CRTC3: variants seen among roughly 807,000 people sequenced by gnomAD.
CRTC3 encodes the protein CREB-regulated transcription coactivator 3.
A neutral mutation model predicts 74.5 loss-of-function variants in CRTC3; 26 were observed. That is an observed-to-expected ratio of 0.35 (90% CI 0.26 to 0.48). The LOEUF (loss-of-function observed/expected upper bound fraction) is 0.48, where lower values mean the gene tolerates loss of function less well. Ranked by LOEUF, CRTC3 falls within the 20% of genes least tolerant of loss-of-function variation. CRTC3 has a pLI of 0.99. For missense variants in CRTC3, 760 were observed against 787.3 expected (o/e 0.97, Z 0.41); for synonymous variants, 377 against 325.8 (o/e 1.16, Z -1.69).
At chr15:90,620,152 T>A (rs1266449289) in intron 9 of CRTC3, 2 of 252,508 alleles carry the variant, frequency 7.9e-6, no homozygotes, top group Non-Finnish European at 1.5e-5. Flanking sequence ...ATCGGTGACA[T>A]CCTGGCCAGG....
chr15:90,628,477 T>G (rs910921647), intron 10 of CRTC3, among the ~76,000 whole-genome samples: 39 of 152,192 alleles, frequency 2.6e-4, no homozygotes, highest in African/African-American at 9.2e-4. Context: ...CCAGGCCCTG[T>G]GCCAGGTGCT....
intron 3 of CRTC3, 39 bp downstream of exon 3, chr15:90,593,794 A>C: frequency 6.4e-7 from 1 of 1,551,696 alleles, no homozygotes; most frequent in Non-Finnish European, 8.8e-7. Context: ...GTGCATTCTG[A>C]AATGTTTGAA....
At chr15:90,536,921 C>T (rs943734822) in intron 1 of CRTC3, among the ~76,000 whole-genome samples, 1 of 152,206 alleles carries the variant, frequency 6.6e-6, no homozygotes, top group African/African-American at 2.4e-5. Flanking sequence ...ATCTTTCAAT[C>T]AGGAGAAGTT....
chr15:90,576,629 C>T (rs1403957188), intron 2 of CRTC3, among the ~76,000 whole-genome samples: 3 of 151,830 alleles, frequency 2.0e-5, no homozygotes, highest in African/African-American at 7.3e-5. Context: ...CAGGAGTGTG[C>T]GAAGAAGACT....
intron 1 of CRTC3, among the ~76,000 whole-genome samples, chr15:90,537,336 C>T (rs757815406): frequency 1.3e-5 from 2 of 152,170 alleles, no homozygotes; most frequent in Non-Finnish European, 2.9e-5. Flanking sequence ...AGTTGTTTGC[C>T]CAACCACACG....
At chr15:90,602,132 A>G (rs1168103484) in intron 3 of CRTC3, among the ~76,000 whole-genome samples, 192 bp from the exon 4 acceptor site, 1 of 152,184 alleles carries the variant, frequency 6.6e-6, no homozygotes, top group Non-Finnish European at 1.5e-5. Flanking sequence ...TCATGCAAAG[A>G]AAACACCGGT....
chr15:90,608,100 G>A (rs918272237), intron 6 of CRTC3, among the ~76,000 whole-genome samples: 2 of 152,114 alleles, frequency 1.3e-5, no homozygotes, highest in Admixed American at 6.5e-5. Flanking sequence ...AGAGGAGGTC[G>A]GGCTGGAACT....
intron 3 of CRTC3, 110 bp downstream of exon 3, chr15:90,593,865 G>A (rs1170456549): frequency 8.9e-7 from 1 of 1,123,064 alleles, no homozygotes; most frequent in Non-Finnish European, 1.2e-6. Flanking sequence ...TCATTTATCT[G>A]ATGAAAGGAG....
chr15:90,584,301 G>A (rs553303577), intron 2 of CRTC3, among the ~76,000 whole-genome samples: 6 of 147,696 alleles, frequency 4.1e-5, no homozygotes, highest in African/African-American at 7.6e-5. Flanking sequence ...GCAGTGGCAC[G>A]ATCTCAGCTC....
At chr15:90,578,928 C>G (rs563043738) in intron 2 of CRTC3, among the ~76,000 whole-genome samples, 18 of 152,056 alleles carry the variant, frequency 1.2e-4, no homozygotes, top group African/African-American at 4.1e-4. Flanking sequence ...TCTGTCTGTT[C>G]TGTGTCTAAG....
At position 90,645,233 on chromosome 15, in the gene CRTC3, C is replaced by T. The variant is rs1014022055; in HGVS notation, c.*3093C>T. On this transcript the variant is annotated 3_prime_UTR_variant, in exon 15 of 15. Transcript: ENST00000268184. ...GCCAGTGTCCTAACCCCCAGGGCAC[C>T]CTGTTCAACCATATTTAAAAATTGG... 2.2e-5 allele frequency: 5 copies of T among 227,932 alleles called. No homozygotes were observed. The highest frequency in any genetic ancestry group is 1.7e-4 in the Admixed American group (3 of 17,586). 14.1% of individuals were successfully genotyped at this position (227,932 alleles called of 1,614,324 possible).
chr15:90,619,809 G>C lies in CRTC3; in HGVS notation c.749+19G>C. The stretch of plus-strand genomic sequence containing the variant: ...GTGGCAAGTAAGTAATATTCTTTCT[G>C]TTCGTGTTTCAGGGACTATCCTGAA... On this transcript the variant is annotated intron_variant, in intron 9 of 14. Transcript: ENST00000268184. The C allele has an allele frequency of 6.2e-7, 1 of 1,608,564 alleles. No individual in the cohort carries two copies. The highest frequency in any genetic ancestry group is 8.5e-7 in the Non-Finnish European group (1 of 1,175,008).
In CRTC3 at chr15:90,607,466, G is replaced by A; in HGVS notation, c.565G>A (p.Ala189Thr). 1.2e-6 allele frequency: 2 copies of A among 1,604,658 alleles called. No homozygotes were observed. The highest frequency in any genetic ancestry group is 1.7e-6 in the Non-Finnish European group (2 of 1,172,574). The change falls in exon 6 of 15, where the codon GCC (alanine) becomes ACC (threonine). Residue 189 changes from alanine to threonine, a missense_variant. This residue lies in a region of CRTC3 where 652 missense variants were observed against 635.2 expected (regional missense o/e 1.03). Coordinates refer to ENST00000268184, the MANE Select transcript of CRTC3 (RefSeq NM_022769.5). ...AGGAGGGGGCCAGTCGGCCTGGCCTGCCCCATACATGGGTAAGACACACAG... is the reference window on the plus strand; with the variant it reads ...AGGAGGGGGCCAGTCGGCCTGGCCTACCCCATACATGGGTAAGACACACAG... The part of the protein sequence containing the change: ...YGGGGQSAWP[A>T]PYMGFCDGEN...
intron 2 of CRTC3, among the ~76,000 whole-genome samples, chr15:90,567,382 C>T (rs993073456): frequency 6.6e-6 from 1 of 151,954 alleles, no homozygotes; most frequent in African/African-American, 2.4e-5. Flanking sequence ...TGATAAAAAA[C>T]AAACAACTAA....
In CRTC3 at chr15:90,529,969, T is replaced by C. The variant is rs1966596042; in HGVS notation, c.-103T>C. ...CCTCTGCCGGGTCGCGCCGGACGAC[T>C]GGCTTCGGGCGGCGGCCCCGGCGGC... On this transcript the variant is annotated 5_prime_UTR_variant, in exon 1 of 15. Transcript: ENST00000268184. 3.2e-6 allele frequency: 3 copies of C among 933,568 alleles called. No homozygotes were observed. The highest frequency in any genetic ancestry group is 4.2e-5 in the South Asian group (1 of 24,062). 57.8% of individuals were successfully genotyped at this position (933,568 alleles called of 1,614,324 possible). A position where few individuals can be genotyped will look rare whatever the true frequency, so the allele number is the denominator to read the frequency against.
rs376919825 is a variant in CRTC3, at chr15:90,540,019, T to A, written c.133-20T>A. On this transcript the variant is annotated intron_variant, in intron 1 of 14. Transcript: ENST00000268184. ...TCTTTGCTGTTACCTCTCAGCGTTC[T>A]TAAATCACTTTGTTTCCAGGTTCAA... 3 of 1,562,300 alleles carry A rather than the reference T, an allele frequency of 1.9e-6. No homozygotes were observed. The highest frequency in any genetic ancestry group is 2.2e-5 in the South Asian group (2 of 89,874).
intron 2 of CRTC3, among the ~76,000 whole-genome samples, chr15:90,541,727 C>T (rs556373761): frequency 1.3e-5 from 2 of 151,552 alleles, no homozygotes; most frequent in Non-Finnish European, 2.9e-5. Flanking sequence ...TGATGTTCCC[C>T]TCCGGTTGCA....
At chr15:90,635,679 T>A (rs1217915466) in intron 11 of CRTC3, among the ~76,000 whole-genome samples, 1 of 151,632 alleles carries the variant, frequency 6.6e-6, no homozygotes, top group Non-Finnish European at 1.5e-5. Context: ...AAAGATTTTC[T>A]CTCTTCAGGC....
chr15:90,620,655 A>G (rs376845822), intron 9 of CRTC3, among the ~76,000 whole-genome samples: 1 of 152,074 alleles, frequency 6.6e-6, no homozygotes, highest in Non-Finnish European at 1.5e-5. Context: ...AGAGAGCCCC[A>G]AGGAGGCTTC....
Sources: allele counts gnomAD v4.1 joint callset (sites outside exome capture counted in the v4.1 genomes callset), GRCh38; gene constraint gnomAD v4.1.1; regional missense constraint gnomAD v4.1.1; transcripts MANE v1.5; gene names NCBI Gene and HGNC (gene_info 2026-07-23, HGNC 2026-07-21).